NBPF26: variants seen among roughly 807,000 people sequenced by gnomAD.
The protein encoded by NBPF26 is NBPF member 26, also known as NBPF family member NBPF26.
NBPF26 carries 79 observed loss-of-function variants against 119.6 expected under a neutral mutation model. That is an observed-to-expected ratio of 0.66 (90% CI 0.55 to 0.80). The LOEUF is 0.80. Among genes scored for constraint, NBPF26 ranks in the 30% least tolerant of loss-of-function variants. NBPF26 has a pLI of 0.00. For missense variants in NBPF26, 800 were observed against 1,198.2 expected (o/e 0.67, Z 4.91); for synonymous variants, 299 against 457.7 (o/e 0.65, Z 4.43).
In NBPF26 at chr1:120,806,546, T is replaced by C. The variant is rs1411966593; in HGVS notation, c.961+781T>C. On this transcript the variant is annotated intron_variant, in intron 5 of 29. Transcript: ENST00000620612. The stretch of plus-strand genomic sequence containing the variant: ...AGGCAGATGTTGCAGTGAGCCAAGA[T>C]TGCACTATTGAACTCCAGCATGGGT... Among the ~76,000 whole-genome samples the C allele has an allele frequency of 1.6e-5, 2 of 124,528 alleles. 1 individual carries two copies. Among genetic ancestry groups the C allele is most frequent in the African/African-American group, 7.6e-5 (2 of 26,214 alleles). 81.7% of individuals were successfully genotyped at this position (124,528 alleles called of 152,430 possible). A position where few individuals can be genotyped will look rare whatever the true frequency, so the allele number is the denominator to read the frequency against.
rs1434855333 is a variant in NBPF26, at chr1:120,823,865, T to A, written c.2640-109T>A. On this transcript the variant is annotated intron_variant, in intron 17 of 29. Coordinates refer to ENST00000620612, the Ensembl canonical transcript of NBPF26. ...TAATCTGTTACCTCATTAATGGATC[T>A]GTCCTTTTTCTTTTCAAACTCTTCC... The A allele has an allele frequency of 7.5e-6, 4 of 535,536 alleles. 1 individual carries two copies. Among genetic ancestry groups the A allele is most frequent in the Admixed American group, 2.9e-5 (1 of 35,082 alleles). The allele number at this position is 535,536 out of a possible 1,614,324, so 33.2% of individuals were successfully genotyped here.
At position 120,745,289 on chromosome 1, in the gene NBPF26, A is replaced by G. The variant is rs1330334302; in HGVS notation, c.74-18339A>G. 5.2e-5 allele frequency among the ~76,000 whole-genome samples: 5 copies of G among 95,492 alleles called. 2 individuals are homozygous for G. The highest frequency in any genetic ancestry group is 3.5e-4 in the African/African-American group (5 of 14,486). 62.6% of individuals were successfully genotyped at this position (95,492 alleles called of 152,430 possible). ...TAGGTCTCCAACAGCACTTTGGGGG[A>G]AAAAAGGGTAGAATAGAGAGTATCA... On this transcript the variant is annotated intron_variant, in intron 1 of 29. Coordinates refer to ENST00000620612, the Ensembl canonical transcript of NBPF26.
At chr1:120,813,122 C>T (rs1434938304) in intron 10 of NBPF26, among the ~76,000 whole-genome samples, 2 of 119,156 alleles carry the variant, frequency 1.7e-5, no homozygotes, top group East Asian at 4.1e-4. Context: ...GTCTCCTGGG[C>T]TCCATCCAAG....
chr1:120,840,478 A>T lies in NBPF26; in HGVS notation c.4232A>T (p.Tyr1411Phe). The stretch of plus-strand genomic sequence containing the variant: ...TTCCAGCACTACAGAAGTGTGTTTT[A>T]CTCATTTGAGGAAGAGCATATCAGC... The change falls in exon 30 of 30, where the codon TAC becomes TTC. Residue 1411 changes from tyrosine to phenylalanine, a missense_variant. By Grantham distance (22) the Tyr-to-Phe change is conservative. Around this residue, in one of 13 missense-constraint regions of NBPF26, gnomAD observed 155 missense variants for 95.9 expected, o/e 1.62. Coordinates refer to ENST00000620612, the Ensembl canonical transcript of NBPF26. The T allele has an allele frequency of 1.1e-5, 16 of 1,479,834 alleles. 4 individuals carry two copies. Among genetic ancestry groups the T allele is most frequent in the Non-Finnish European group, 1.3e-5 (14 of 1,093,240 alleles). 91.7% of individuals were successfully genotyped at this position (1,479,834 alleles called of 1,614,324 possible). A position where few individuals can be genotyped will look rare whatever the true frequency, so the allele number is the denominator to read the frequency against.
intron 14 of NBPF26, 32 bp downstream of exon 14, chr1:120,816,859 C>A: frequency 6.9e-7 from 1 of 1,450,956 alleles, no homozygotes; most frequent in Non-Finnish European, 9.2e-7. Flanking sequence ...TCTCATACCT[C>A]TTTCTTGGCT....
Position 120,783,856 on chromosome 1 carries a change from C to T in NBPF26, c.156-1118C>T, listed in dbSNP as rs1303190762. On this transcript the variant is annotated intron_variant, in intron 2 of 29. Transcript: ENST00000620612. ...AGAAGCCAAGGTAAAATGATTAAAA[C>T]GGTACATGGAGTGGTTAGCAATTCT... is the stretch of plus-strand genomic sequence containing the variant. Among the ~76,000 whole-genome samples the T allele has an allele frequency of 1.9e-4, 21 of 107,946 alleles. 2 individuals carry two copies. The highest frequency in any genetic ancestry group is 2.3e-4 in the East Asian group (1 of 4,392). 70.8% of individuals were successfully genotyped at this position (107,946 alleles called of 152,430 possible). A position where few individuals can be genotyped will look rare whatever the true frequency, so the allele number is the denominator to read the frequency against.
At position 120,793,463 on chromosome 1, in the gene NBPF26, G is replaced by A. The variant is rs1463647589; in HGVS notation, c.718G>A (p.Gly240Ser). The change falls in exon 4 of 30, where the codon GGT becomes AGT. Residue 240 changes from glycine to serine, a missense_variant. Gly to Ser is a moderately conservative substitution (Grantham distance 56, BLOSUM62 0). This residue lies in a region of NBPF26 where 155 missense variants were observed against 143.7 expected (regional missense o/e 1.08). Coordinates refer to ENST00000620612, the Ensembl canonical transcript of NBPF26. ...CAATGGAGGCACCTGTCGGCAGACT[G>A]GTGACTTCACTTTTGAGTGCAACTG... The A allele has an allele frequency of 2.9e-5, 42 of 1,429,054 alleles. 10 individuals are homozygous for A. The Admixed American group carries it at 8.1e-4, about 27-fold the overall frequency. The allele number at this position is 1,429,054 out of a possible 1,614,324, so 88.5% of individuals were successfully genotyped here. A position where few individuals can be genotyped will look rare whatever the true frequency, so the allele number is the denominator to read the frequency against.
downstream of NBPF26, chr1:120,840,628 C>T (rs1553273604): frequency 2.1e-5 from 31 of 1,453,842 alleles, 8 homozygotes; most frequent in Non-Finnish European, 2.9e-5. Context: ...GTCATTCCTG[C>T]AGGCAGGACC....
At position 120,823,230 on chromosome 1, in the gene NBPF26, T is replaced by G; in HGVS notation, c.2588-79T>G. On this transcript the variant is annotated intron_variant, in intron 16 of 29. Coordinates refer to ENST00000620612, the Ensembl canonical transcript of NBPF26. Reference sequence around the variant, plus strand: ...ACTGACAAGACTGATGTCCCTGTGTTAGGATTGGACAGAGGAATGTTTCTG... The same window carrying G: ...ACTGACAAGACTGATGTCCCTGTGTGAGGATTGGACAGAGGAATGTTTCTG... The G allele has an allele frequency of 4.0e-6, 3 of 742,538 alleles. 1 individual carries two copies. Among genetic ancestry groups the G allele is most frequent in the Non-Finnish European group, 6.7e-6 (3 of 446,426 alleles). The allele number at this position is 742,538 out of a possible 1,614,324, so 46.0% of individuals were successfully genotyped here.
At chr1:120,781,626 C>T (rs1316115432) in intron 2 of NBPF26, among the ~76,000 whole-genome samples, 1 of 50,322 alleles carries the variant, frequency 2.0e-5, no homozygotes, top group Non-Finnish European at 3.3e-5. Flanking sequence ...TGCAGTGGCG[C>T]GATCTTGGCT....
chr1:120,803,283 CA>C (rs1248293115), intron 4 of NBPF26, among the ~76,000 whole-genome samples: 1 of 137,822 alleles, frequency 7.3e-6, no homozygotes, highest in Admixed American at 7.2e-5. Context: ...CTAAATAGAG[CA>C]AAGTGTAAAA....
chr1:120,754,765 C>G (rs1651062147), intron 1 of NBPF26, among the ~76,000 whole-genome samples: 1 of 116,044 alleles, frequency 8.6e-6, no homozygotes, highest in African/African-American at 5.1e-5. Context: ...TTCCTTCAAA[C>G]AAATGGTAAG....
chr1:120,781,703 A>G (rs1651363243), intron 2 of NBPF26, among the ~76,000 whole-genome samples: 2 of 81,470 alleles, frequency 2.5e-5, no homozygotes, highest in Admixed American at 2.3e-4. Flanking sequence ...AGCTGGGACT[A>G]CAGGCGCCTG....
rs1553273402 is a variant in NBPF26 at position 120,840,349 on chromosome 1, G to A, written c.4104-1G>A. 7.6e-6 allele frequency: 11 copies of A among 1,446,552 alleles called. 3 individuals carry two copies. Among genetic ancestry groups the A allele is most frequent in the South Asian group, 6.0e-5 (5 of 83,372 alleles). The allele number at this position is 1,446,552 out of a possible 1,614,324, so 89.6% of individuals were successfully genotyped here. On this transcript the variant is annotated splice_acceptor_variant, in intron 29 of 29. Transcript: ENST00000620612. LOFTEE classifies it high-confidence loss of function. ...TTCTTTAGTTTTGTCTCCTTTTGCA[G>A]GCTCAACAGCATGCTGATGGAAGTG... is the stretch of plus-strand genomic sequence containing the variant.
At chr1:120,743,899 A>G (rs1196865917) in intron 1 of NBPF26, among the ~76,000 whole-genome samples, 1 of 110,998 alleles carries the variant, frequency 9.0e-6, no homozygotes, top group Non-Finnish European at 1.8e-5. Context: ...GTTTGCAGCA[A>G]TTAGGCTTTA....
exon 4 of NBPF26, chr1:120,793,209 A>G (rs1365969765): frequency 6.9e-7 from 1 of 1,441,766 alleles, no homozygotes; most frequent in Non-Finnish European, 9.3e-7. Context: ...CTCTGTGCAA[A>G]TGGAAGTACC....
chr1:120,778,558 A>T (rs1265898961), intron 2 of NBPF26, among the ~76,000 whole-genome samples: 2 of 46,580 alleles, frequency 4.3e-5, no homozygotes, highest in Admixed American at 2.4e-4. Flanking sequence ...ATGTGGTGGG[A>T]TTTTGCTTTG....
intron 4 of NBPF26, among the ~76,000 whole-genome samples, chr1:120,801,337 A>T (rs1651578941): frequency 8.3e-6 from 1 of 120,674 alleles, no homozygotes; most frequent in Non-Finnish European, 1.7e-5. Flanking sequence ...GCTTTTTGGC[A>T]TTATGAAAAT....
intron 6 of NBPF26, among the ~76,000 whole-genome samples, 158 bp downstream of exon 6, chr1:120,807,867 G>A (rs1276898559): frequency 8.3e-6 from 1 of 120,132 alleles, no homozygotes; most frequent in African/African-American, 4.1e-5. Context: ...AACAGAGAAG[G>A]AGGATAGTAA....
Sources: gnomAD v4.1 joint callset for allele counts (sites outside exome capture counted in the v4.1 genomes callset) on GRCh38, gnomAD v4.1.1 for gene constraint, gnomAD v4.1.1 regional missense constraint, MANE v1.5 for transcripts, NCBI Gene and HGNC (gene_info 2026-07-23, HGNC 2026-07-21) for gene names.